Variants in OAS2 observed in about 807,000 individuals in gnomAD.
OAS2 encodes 2'-5'-oligoadenylate synthase 2.
Under a neutral mutation model 71.3 loss-of-function variants are expected in OAS2, and 67 were observed. That is an observed-to-expected ratio of 0.94 (90% CI 0.77 to 1.15). The LOEUF (loss-of-function observed/expected upper bound fraction) is 1.15. OAS2 is among the 50% of genes most tolerant of loss of function. The pLI is 0.00. For synonymous variants in OAS2, 327 were observed against 321.8 expected (o/e 1.02, Z -0.17); for missense variants, 789 against 822.5 (o/e 0.96, Z 0.50).
Position 112,992,705 on chromosome 12 carries a change from T to C in OAS2, c.449-2591T>C, listed in dbSNP as rs190527637. Reference sequence around the variant, plus strand: ...GGGAAACATGTACCAGTTTGGGAGGTTGGCAGTTCTGAGTTCTTATCCTGG... The same window carrying C: ...GGGAAACATGTACCAGTTTGGGAGGCTGGCAGTTCTGAGTTCTTATCCTGG... On this transcript the variant is annotated intron_variant, in intron 2 of 9. Coordinates refer to ENST00000392583, the MANE Select transcript of OAS2 (RefSeq NM_002535.3). 3.9e-5 allele frequency among the ~76,000 whole-genome samples: 6 copies of C among 152,030 alleles called. No homozygotes were observed. The East Asian group carries it at 5.8e-4, about 15-fold the overall frequency.
chr12:113,007,936 A>G lies in OAS2; in HGVS notation c.1888A>G (p.Lys630Glu). The part of the protein sequence containing the change: ...VRKFLLSQLQ[K>E]TRPVILDPAE... ...GAAGTTTCTACTGAGCCAGTTGCAG[A>G]AAACCAGGTGCCTTCACCCTAGCCC... The change falls in exon 9 of 10, where the codon AAA (lysine) becomes GAA (glutamate). Residue 630 changes from lysine to glutamate, a missense_variant. By Grantham distance (56) the Lys-to-Glu change is moderately conservative. Coordinates refer to ENST00000392583, the MANE Select transcript of OAS2 (RefSeq NM_002535.3). The G allele has an allele frequency of 6.2e-7, 1 of 1,611,962 alleles. No homozygotes were observed. The highest frequency in any genetic ancestry group is 8.5e-7 in the Non-Finnish European group (1 of 1,178,008).
intron 1 of OAS2, among the ~76,000 whole-genome samples, chr12:112,983,505 G>A (rs1466098966): frequency 6.6e-6 from 1 of 152,218 alleles, no homozygotes; most frequent in Non-Finnish European, 1.5e-5. Flanking sequence ...AATTTCAGGT[G>A]TGAGCCACTA....
At position 112,978,833 on chromosome 12, in the gene OAS2, G is replaced by A. The variant is rs978249642; in HGVS notation, c.177+48G>A. The stretch of plus-strand genomic sequence containing the variant: ...GTCTCTGGGAGGCAGGAGATTCCAC[G>A]GCGGCAGCAAGGCCGAGCTACTGGG... On this transcript the variant is annotated intron_variant, in intron 1 of 9. Transcript: ENST00000392583. This position sits in a 1 kb window ranked among gnomAD's most constrained non-coding sequence, Gnocchi z 4.2. 9 of 1,566,038 alleles carry A rather than the reference G, an allele frequency of 5.7e-6. No individual in the cohort carries two copies. The Admixed American group carries it at 7.6e-5, about 13-fold the overall frequency.
chr12:112,984,840 T>C (rs559615818), intron 1 of OAS2, among the ~76,000 whole-genome samples: 1 of 152,340 alleles, frequency 6.6e-6, no homozygotes, highest in South Asian at 2.1e-4. Context: ...AGAACTAGTC[T>C]AGTGGTGATG....
At position 113,002,470 on chromosome 12, in the gene OAS2, G is replaced by A. The variant is rs569600257; in HGVS notation, c.1009-462G>A. 3.3e-5 allele frequency among the ~76,000 whole-genome samples: 5 copies of A among 152,348 alleles called. No homozygotes were observed. The South Asian group carries it at 6.2e-4, about 19-fold the overall frequency. Reference sequence around the variant, plus strand: ...GGAAACCAACACACCCGCACATGGCGTGTTTAACGCAGGCTGATACAACCT... The same window carrying A: ...GGAAACCAACACACCCGCACATGGCATGTTTAACGCAGGCTGATACAACCT... On this transcript the variant is annotated intron_variant, in intron 5 of 9. Coordinates refer to ENST00000392583, the MANE Select transcript of OAS2 (RefSeq NM_002535.3).
In OAS2 at chr12:112,987,193, G is replaced by T; in HGVS notation, c.333G>T (p.Thr111=). Reference sequence around the variant, plus strand: ...ATAAGCTGAAGTTCTGTCTGTTCACGAAGTGGTTGAAAAACAATTTCGAGA... The same window carrying T: ...ATAAGCTGAAGTTCTGTCTGTTCACTAAGTGGTTGAAAAACAATTTCGAGA... ...TGDKLKFCLF[T]KWLKNNFEIQ... Residue 111 remains threonine, a synonymous_variant, in exon 2 of 10, where the codon ACG becomes ACT. Transcript: ENST00000392583. The T allele has an allele frequency of 6.2e-7, 1 of 1,614,136 alleles. No individual in the cohort carries two copies. Among genetic ancestry groups the T allele is most frequent in the Non-Finnish European group, 8.5e-7 (1 of 1,180,026 alleles).
intron 5 of OAS2, among the ~76,000 whole-genome samples, chr12:113,000,600 CACATGCAT>C (rs1186556597): frequency 4.0e-5 from 6 of 151,618 alleles, no homozygotes; most frequent in Non-Finnish European, 5.9e-5. Context: ...CATGCATACA[CACATGCAT>C]ACATGCACTC....
At chr12:112,983,176 AT>A (rs1209155421) in intron 1 of OAS2, among the ~76,000 whole-genome samples, 1 of 151,702 alleles carries the variant, frequency 6.6e-6, no homozygotes, top group Admixed American at 6.6e-5. Flanking sequence ...TTCTGTTCTG[AT>A]TTTTATTATT....
At position 113,009,104 on chromosome 12, in the gene OAS2, C is replaced by G; in HGVS notation, c.1913C>G (p.Pro638Arg). Residue 638 changes from proline to arginine, a missense_variant, in exon 10 of 10, where the codon CCA becomes CGA. Pro to Arg is a moderately radical substitution (Grantham distance 103). Coordinates refer to ENST00000392583, the MANE Select transcript of OAS2 (RefSeq NM_002535.3). ...TCATTCAGGCCTGTGATCTTGGACCCAGCCGAACCCACAGGTGACGTGGGT... is the reference window on the plus strand; with the variant it reads ...TCATTCAGGCCTGTGATCTTGGACCGAGCCGAACCCACAGGTGACGTGGGT... The part of the protein sequence containing the change: ...LQKTRPVILD[P>R]AEPTGDVGGG... The G allele has an allele frequency of 6.2e-7, 1 of 1,613,542 alleles. No homozygotes were observed.
intron 5 of OAS2, among the ~76,000 whole-genome samples, chr12:113,000,218 C>T (rs1254515872): frequency 6.6e-6 from 1 of 152,172 alleles, no homozygotes; most frequent in Non-Finnish European, 1.5e-5. Context: ...CCCAATACAG[C>T]CCATTGGGAT....
chr12:112,985,593 C>A (rs1038854167), intron 1 of OAS2, among the ~76,000 whole-genome samples: 1 of 152,046 alleles, frequency 6.6e-6, no homozygotes, highest in East Asian at 1.9e-4. Context: ...TCTGTGTTTT[C>A]TTGTATCTTA....
rs1293746 is a variant in OAS2, at chr12:113,007,963, G to A, written c.1895+20G>A. ...AACCAGGTGCCTTCACCCTAGCCCCGTACTTTTCTTAACCTGATTCCCTTG... is the reference window on the plus strand; with the variant it reads ...AACCAGGTGCCTTCACCCTAGCCCCATACTTTTCTTAACCTGATTCCCTTG... On this transcript the variant is annotated intron_variant, in intron 9 of 9. Coordinates refer to ENST00000392583, the MANE Select transcript of OAS2 (RefSeq NM_002535.3). The A allele has an allele frequency of 0.22, 339,218 of 1,560,314 alleles. 39,949 individuals are homozygous for A. The highest frequency in any genetic ancestry group is 0.45 in the East Asian group (20,246 of 44,580).
chr12:113,005,934 A>C (rs1376050155), intron 7 of OAS2, among the ~76,000 whole-genome samples: 166 of 147,630 alleles, frequency 1.1e-3, no homozygotes, highest in African/African-American at 1.5e-3. Flanking sequence ...AAAAAAAAAA[A>C]AAAAAAAAAA....
chr12:112,997,434 T>C (rs2044243553), intron 3 of OAS2, 86 bp from the exon 4 acceptor site: 1 of 1,104,708 alleles, frequency 9.1e-7, no homozygotes, highest in Non-Finnish European at 1.3e-6. Flanking sequence ...TGACTTCCTG[T>C]AGACCTCTGG....
intron 6 of OAS2, among the ~76,000 whole-genome samples, chr12:113,004,295 CCTT>C (rs2044312170): frequency 6.6e-6 from 1 of 152,144 alleles, no homozygotes; most frequent in Admixed American, 6.5e-5. Context: ...TTCCTCACCT[CCTT>C]AACCCATGTA....
chr12:112,997,822 T>A (rs2044249887), intron 4 of OAS2, 67 bp downstream of exon 4: 5 of 1,276,902 alleles, frequency 3.9e-6, no homozygotes, highest in Admixed American at 5.1e-5. Context: ...CTCTTTGGAA[T>A]GAGATCTCAG....
intron 1 of OAS2, among the ~76,000 whole-genome samples, chr12:112,986,597 C>T (rs1000246033): frequency 1.3e-5 from 2 of 152,114 alleles, no homozygotes; most frequent in African/African-American, 4.8e-5. Context: ...ATCTCCTGGC[C>T]CCTGGGCAGC....
chr12:113,011,196 T>C lies in OAS2; in HGVS notation c.*1941T>C, dbSNP rs920635573. 7 of 152,248 alleles carry C rather than the reference T, an allele frequency of 4.6e-5. No homozygotes were observed. The highest frequency in any genetic ancestry group is 4.6e-4 in the Admixed American group (7 of 15,288). The allele number at this position is 152,248 out of a possible 1,614,324, so 9.4% of individuals were successfully genotyped here. Reference sequence around the variant, plus strand: ...TCACTGTTGCATATACCAGTTGTGATACAATAAAGAATGTATCTGGATTTT... The same window carrying C: ...TCACTGTTGCATATACCAGTTGTGACACAATAAAGAATGTATCTGGATTTT... On this transcript the variant is annotated 3_prime_UTR_variant, in exon 10 of 10. Coordinates refer to ENST00000392583, the MANE Select transcript of OAS2 (RefSeq NM_002535.3).
chr12:113,007,222 T>C (rs2044342739), intron 8 of OAS2, among the ~76,000 whole-genome samples: 1 of 152,222 alleles, frequency 6.6e-6, no homozygotes, highest in Admixed American at 6.5e-5. Context: ...CTCCTTTCTG[T>C]GTCCAGCTCC....
Sources: allele counts gnomAD v4.1 joint callset (sites outside exome capture counted in the v4.1 genomes callset), GRCh38; gene constraint gnomAD v4.1.1; non-coding constraint Gnocchi (gnomAD v3.1); transcripts MANE v1.5; gene names NCBI Gene and HGNC (gene_info 2026-07-23, HGNC 2026-07-21).